SDK1: variants seen among roughly 807,000 people sequenced by gnomAD.
The protein encoded by SDK1 is protein sidekick-1.
Under a neutral mutation model 245.5 loss-of-function variants are expected in SDK1, and 157 were observed. The observed-to-expected ratio is 0.64, with a 90% CI of 0.56 to 0.73. The LOEUF is 0.73. Ranked by LOEUF, SDK1 falls within the 30% of genes least tolerant of loss-of-function variation. The probability of loss-of-function intolerance (pLI) is 0.00; values close to 1 mark genes in which losing one functional copy is unlikely to be tolerated. For missense variants in SDK1, 3,583 were observed against 3,002.3 expected, an observed-to-expected ratio of 1.19 and a Z score of -4.52; for synonymous variants, 1,647 against 1,278.5, an observed-to-expected ratio of 1.29 and a Z score of -6.15.
intron 32 of SDK1, among the ~76,000 whole-genome samples, chr7:4,162,961 G>T (rs1781252886): frequency 6.6e-6 from 1 of 152,220 alleles, no homozygotes; most frequent in African/African-American, 2.4e-5. Flanking sequence ...GGGGCGGGGA[G>T]CTGTGCGGAG....
At chr7:4,048,166 C>G (rs762356625) in intron 17 of SDK1, among the ~76,000 whole-genome samples, 4 of 152,104 alleles carry the variant, frequency 2.6e-5, no homozygotes, top group African/African-American at 4.8e-5. Flanking sequence ...CCCGTGTGTT[C>G]CGGCCGAGAA....
At chr7:3,575,818 C>T (rs1004911256) in intron 1 of SDK1, among the ~76,000 whole-genome samples, 3 of 151,924 alleles carry the variant, frequency 2.0e-5, no homozygotes, top group African/African-American at 7.2e-5. Flanking sequence ...TAGCGTTTGT[C>T]TTGTTACAAA....
At chr7:3,615,901 G>T (rs1203828987) in intron 1 of SDK1, among the ~76,000 whole-genome samples, 2 of 142,334 alleles carry the variant, frequency 1.4e-5, no homozygotes, top group South Asian at 2.1e-4. Flanking sequence ...TTCTGAGACA[G>T]GGTCTTGGTC....
At chr7:3,412,496 T>A (rs1411285249) in intron 1 of SDK1, among the ~76,000 whole-genome samples, 1 of 152,212 alleles carries the variant, frequency 6.6e-6, no homozygotes, top group Non-Finnish European at 1.5e-5. Flanking sequence ...CCTTTATGTG[T>A]TTATACCATA....
chr7:3,360,835 T>G (rs1188268745), intron 1 of SDK1, among the ~76,000 whole-genome samples: 1 of 151,802 alleles, frequency 6.6e-6, no homozygotes, highest in Non-Finnish European at 1.5e-5. Flanking sequence ...TGGGAGATAG[T>G]GGGGGGAGTT....
In SDK1 at chr7:3,435,321, CTTTTTTTTTTT is replaced by C. The variant is rs71029672; in HGVS notation, c.298+133454_298+133464del. Among the ~76,000 whole-genome samples, 40 of 56,902 alleles carry C rather than the reference CTTTTTTTTTTT, an allele frequency of 7.0e-4. 1 individual carries two copies. The highest frequency in any genetic ancestry group is 3.4e-3 in the African/African-American group (37 of 10,998). The allele number at this position is 56,902 out of a possible 152,430, so 37.3% of individuals were successfully genotyped here. On this transcript the variant is annotated intron_variant, in intron 1 of 44. Coordinates refer to ENST00000404826, the MANE Select transcript of SDK1 (RefSeq NM_152744.4). ...ATACTTGACTTATGAAGGGGACTGC[CTTTTTTTTTTT>C]TTTTTTTTTTTTTTTTGAGACGGAG...
intron 1 of SDK1, among the ~76,000 whole-genome samples, chr7:3,493,774 A>G (rs1781937694): frequency 2.0e-5 from 3 of 152,206 alleles, no homozygotes; most frequent in Non-Finnish European, 2.9e-5. Context: ...CATAGCTTCT[A>G]TGACTTATGG....
chr7:3,393,175 T>C (rs1356181613), intron 1 of SDK1, among the ~76,000 whole-genome samples: 1 of 151,926 alleles, frequency 6.6e-6, no homozygotes, highest in East Asian at 1.9e-4. Flanking sequence ...TTTCATCATG[T>C]TGGCCAGCCT....
At chr7:3,595,866 A>C (rs537153797) in intron 1 of SDK1, among the ~76,000 whole-genome samples, 6 of 150,692 alleles carry the variant, frequency 4.0e-5, no homozygotes, top group East Asian at 3.9e-4. Flanking sequence ...ACAACAACAA[A>C]AAAGGAGGTT....
chr7:3,791,059 A>T (rs559196322), intron 4 of SDK1, among the ~76,000 whole-genome samples: 1 of 152,248 alleles, frequency 6.6e-6, no homozygotes, highest in African/African-American at 2.4e-5. Flanking sequence ...GTCTAACAGC[A>T]GTGCCTAGTT....
At chr7:3,946,563 C>T (rs1057228343) in intron 5 of SDK1, among the ~76,000 whole-genome samples, 5 of 152,128 alleles carry the variant, frequency 3.3e-5, no homozygotes, top group Admixed American at 6.5e-5. Flanking sequence ...GAGAGCCACT[C>T]ACCTTGGCCT....
intron 17 of SDK1, among the ~76,000 whole-genome samples, chr7:4,019,727 T>A (rs1786720046): frequency 6.6e-6 from 1 of 151,986 alleles, no homozygotes; most frequent in African/African-American, 2.4e-5. Flanking sequence ...GTGTTTGACA[T>A]TGGGGGTTGG....
intron 38 of SDK1, among the ~76,000 whole-genome samples, chr7:4,218,648 C>T (rs945763033): frequency 9.9e-5 from 15 of 152,112 alleles, no homozygotes; most frequent in South Asian, 2.1e-4. Flanking sequence ...ACGACCCTCC[C>T]GCACCAAGGC....
At chr7:3,766,325 A>G (rs1159148182) in intron 4 of SDK1, among the ~76,000 whole-genome samples, 1 of 152,210 alleles carries the variant, frequency 6.6e-6, no homozygotes, top group Non-Finnish European at 1.5e-5. Context: ...AATGATCCAA[A>G]CGTTATTAAT....
At chr7:3,953,890 A>C (rs993289958) in intron 7 of SDK1, among the ~76,000 whole-genome samples, 1 of 152,184 alleles carries the variant, frequency 6.6e-6, no homozygotes, top group Non-Finnish European at 1.5e-5. Flanking sequence ...GTTGGCGCAC[A>C]CTGCAAAAAC....
At chr7:3,370,186 C>G (rs1368938654) in intron 1 of SDK1, among the ~76,000 whole-genome samples, 8 of 152,172 alleles carry the variant, frequency 5.3e-5, no homozygotes, top group African/African-American at 1.7e-4. Context: ...TGCCTCAGAA[C>G]TAAAGAGGTT....
intron 43 of SDK1, among the ~76,000 whole-genome samples, chr7:4,244,334 C>A (rs924420475): frequency 6.6e-6 from 1 of 152,210 alleles, no homozygotes; most frequent in African/African-American, 2.4e-5. Context: ...TGGACATGGT[C>A]CCTTTGAGCA....
chr7:3,969,027 G>C (rs1335378057), intron 10 of SDK1, among the ~76,000 whole-genome samples: 3 of 152,170 alleles, frequency 2.0e-5, no homozygotes, highest in Admixed American at 6.5e-5. Flanking sequence ...TAAACCATCA[G>C]ATCTCATGAG....
chr7:4,025,750 T>TG (rs1583865492), intron 17 of SDK1, among the ~76,000 whole-genome samples: 1 of 152,198 alleles, frequency 6.6e-6, no homozygotes, highest in African/African-American at 2.4e-5. Flanking sequence ...CAACACCCAG[T>TG]GCTGCACCAC....
Sources: allele counts gnomAD v4.1 joint callset (sites outside exome capture counted in the v4.1 genomes callset), GRCh38; gene constraint gnomAD v4.1.1; transcripts MANE v1.5; gene names NCBI Gene and HGNC (gene_info 2026-07-23, HGNC 2026-07-21).